The following STOX2 variants were observed in gnomAD, a reference collection of about 807,000 sequenced individuals.
The protein encoded by STOX2 is storkhead-box protein 2.
Under a neutral mutation model 60.9 loss-of-function variants are expected in STOX2, and 28 were observed. The ratio of observed to expected loss-of-function variants is 0.46; its 90% CI spans 0.34 to 0.63. The LOEUF is 0.63. Among genes scored for constraint, STOX2 ranks in the 30% least tolerant of loss-of-function variants. The pLI is 0.01. For missense variants in STOX2, 1,024 were observed against 1,187.7 expected (o/e 0.86, Z 2.03); for synonymous variants, 472 against 463.9 (o/e 1.02, Z -0.22).
chr4:183,840,362 C>T (rs952723844), intron 1 of STOX2, among the ~76,000 whole-genome samples: 1 of 152,128 alleles, frequency 6.6e-6, no homozygotes, highest in Non-Finnish European at 1.5e-5. Flanking sequence ...AATTCCTGTT[C>T]TCTGAAGGAG....
chr4:183,834,854 C>T (rs1208896974), intron 1 of STOX2, among the ~76,000 whole-genome samples: 13 of 152,132 alleles, frequency 8.5e-5, no homozygotes, highest in African/African-American at 2.9e-4. Context: ...TTCAAGTTTA[C>T]AGTGGAAGAG....
rs1739297125 is a variant in STOX2 at position 183,821,239 on chromosome 4, A to C, written c.364+23184A>C. On this transcript the variant is annotated intron_variant, in intron 1 of 2. Coordinates refer to the STOX2 transcript ENST00000513034. This position sits in a 1 kb window ranked among gnomAD's most constrained non-coding sequence, Gnocchi z 4.2. ...AATTTTGCTCTTGAATTGTACACAG[A>C]GGCTTGGTGAGAACCCTCCCTTGGC... is the stretch of plus-strand genomic sequence containing the variant. Among the ~76,000 whole-genome samples the C allele has an allele frequency of 6.6e-6, 1 of 152,236 alleles. No individual in the cohort carries two copies. The highest frequency in any genetic ancestry group is 1.5e-5 in the Non-Finnish European group (1 of 68,034).
rs1741560024 is a variant in STOX2, at chr4:183,905,324, GCCGTGCCATCTAAAGAGCTGTGGA to G, written c.-1464_-1441del. ...GTTGGACCAGAAACAGCTGTGCAGA[GCCGTGCCATCTAAAGAGCTGTGGA>G]CCTGAATGCAGCGTAGCGGGCTGGC... On this transcript the variant is annotated 5_prime_UTR_variant, in exon 1 of 4. Coordinates refer to ENST00000308497, the MANE Select transcript of STOX2 (RefSeq NM_020225.3). The G allele has an allele frequency of 6.6e-6, 1 of 152,336 alleles. No individual in the cohort carries two copies. Among genetic ancestry groups the G allele is most frequent in the Non-Finnish European group, 1.5e-5 (1 of 68,122 alleles). The allele number at this position is 152,336 out of a possible 1,614,324, so 9.4% of individuals were successfully genotyped here.
chr4:183,798,373 C>G (rs1561096379), intron 1 of STOX2, among the ~76,000 whole-genome samples: 3 of 150,584 alleles, frequency 2.0e-5, no homozygotes, highest in Admixed American at 6.6e-5. Flanking sequence ...TCGGAGGGCG[C>G]GGCGCTCGGG....
chr4:184,006,860 CA>C (rs1298045787), intron 2 of STOX2, among the ~76,000 whole-genome samples: 3 of 150,192 alleles, frequency 2.0e-5, no homozygotes, highest in Admixed American at 6.6e-5. Flanking sequence ...ACTAAAAATA[CA>C]AAAAATTAGC....
At position 184,011,130 on chromosome 4, in the gene STOX2, A is replaced by C. The variant is rs1483215338; in HGVS notation, c.2292A>C (p.Gly764=). 1 of 1,578,348 alleles carries C rather than the reference A, an allele frequency of 6.3e-7. No individual in the cohort carries two copies. The highest frequency in any genetic ancestry group is 8.6e-7 in the Non-Finnish European group (1 of 1,164,740). Residue 764 remains glycine (G), a synonymous_variant, in exon 3 of 4, where the codon GGA becomes GGC. Transcript: ENST00000308497. The surrounding 1 kb of genome is among the most constrained non-coding windows in gnomAD (Gnocchi z 4.4). ...MPASQRQQES[G]GNQEASFDYY... ...CTTCCCAGCGTCAGCAGGAGTCAGG[A>C]GGGAACCAGGAAGCCTCTTTTGACT... is the stretch of plus-strand genomic sequence containing the variant.
intron 1 of STOX2, among the ~76,000 whole-genome samples, chr4:183,954,410 T>C (rs1234362066): frequency 2.6e-5 from 4 of 152,040 alleles, no homozygotes; most frequent in African/African-American, 9.7e-5. Flanking sequence ...TGCCTCGGAC[T>C]CCTGAGTAGC....
rs1284036041 is a variant in STOX2, at chr4:183,876,343, C to T, written c.364+78288C>T. 4.6e-5 allele frequency among the ~76,000 whole-genome samples: 7 copies of T among 152,114 alleles called. No homozygotes were observed. The South Asian group carries it at 6.2e-4, about 14-fold the overall frequency. ...CTTTCCAGAGAGTGTGCAGCAGGCCCGGGAGGCCTGGGCTCCTTTCCTTTG... is the reference window on the plus strand; with the variant it reads ...CTTTCCAGAGAGTGTGCAGCAGGCCTGGGAGGCCTGGGCTCCTTTCCTTTG... On this transcript the variant is annotated intron_variant, in intron 1 of 2. Transcript: ENST00000513034.
chr4:183,919,612 T>A (rs1336210387), intron 1 of STOX2, among the ~76,000 whole-genome samples: 1 of 152,092 alleles, frequency 6.6e-6, no homozygotes, highest in Admixed American at 6.5e-5. Flanking sequence ...TTGTTGTTAT[T>A]GGGATTGTTT....
chr4:183,921,060 C>T (rs575856919), intron 1 of STOX2, among the ~76,000 whole-genome samples: 1 of 152,282 alleles, frequency 6.6e-6, no homozygotes, highest in Non-Finnish European at 1.5e-5. Flanking sequence ...AAGAAGCATT[C>T]GGTTTAGCAC....
intron 1 of STOX2, among the ~76,000 whole-genome samples, chr4:183,951,424 G>T (rs1579459020): frequency 1.3e-5 from 2 of 149,292 alleles, no homozygotes; most frequent in African/African-American, 4.9e-5. Context: ...ATGATTTAGA[G>T]GACGACAGTC....
At chr4:183,978,514 A>G (rs924566994) in intron 1 of STOX2, among the ~76,000 whole-genome samples, 6 of 152,214 alleles carry the variant, frequency 3.9e-5, no homozygotes, top group Non-Finnish European at 8.8e-5. Flanking sequence ...GCCTTGTAGT[A>G]TCATTTGAAG....
intron 1 of STOX2, among the ~76,000 whole-genome samples, chr4:183,911,768 G>A (rs983267368): frequency 6.6e-6 from 1 of 152,176 alleles, no homozygotes; most frequent in Non-Finnish European, 1.5e-5. Flanking sequence ...CTGCATGCAG[G>A]TTATAACTAA....
At chr4:183,944,649 G>A (rs1742838466) in intron 1 of STOX2, among the ~76,000 whole-genome samples, 1 of 152,202 alleles carries the variant, frequency 6.6e-6, no homozygotes, top group Non-Finnish European at 1.5e-5. Context: ...AGGAGGCGGA[G>A]GTTGCAGTGA....
intron 1 of STOX2, among the ~76,000 whole-genome samples, chr4:183,831,677 C>T (rs140138467): frequency 6.0e-4 from 91 of 152,148 alleles, no homozygotes; most frequent in East Asian, 5.8e-3. Context: ...GTGATGGATG[C>T]GCTGAGGGCC....
chr4:183,963,277 T>A (rs10014688), intron 1 of STOX2, among the ~76,000 whole-genome samples: 47,121 of 152,048 alleles, frequency 0.31, 7,528 homozygotes, highest in Middle Eastern at 0.38. Flanking sequence ...TCTTATGGGT[T>A]TTATTATGAC....
At chr4:183,954,493 T>C (rs1278011896) in intron 1 of STOX2, among the ~76,000 whole-genome samples, 3 of 152,068 alleles carry the variant, frequency 2.0e-5, no homozygotes, top group African/African-American at 7.2e-5. Context: ...TTTCACCATG[T>C]TGGCCAGGCT....
intron 1 of STOX2, among the ~76,000 whole-genome samples, chr4:183,975,388 A>C (rs536325550): frequency 5.6e-4 from 85 of 152,292 alleles, no homozygotes; most frequent in Admixed American, 1.8e-3. Flanking sequence ...AAAACCAATA[A>C]AATTAAAAAT....
intron 1 of STOX2, among the ~76,000 whole-genome samples, chr4:183,969,109 CA>C (rs1354195323): frequency 1.3e-5 from 2 of 152,134 alleles, no homozygotes; most frequent in African/African-American, 4.8e-5. Context: ...GCCTTTATTG[CA>C]AAATATGAAT....
Sources: allele counts gnomAD v4.1 joint callset (sites outside exome capture counted in the v4.1 genomes callset), GRCh38; gene constraint gnomAD v4.1.1; non-coding constraint Gnocchi (gnomAD v3.1); transcripts MANE v1.5; gene names NCBI Gene and HGNC (gene_info 2026-07-23, HGNC 2026-07-21).